Variants in SUMF1 observed in about 807,000 individuals in gnomAD.
The protein encoded by SUMF1 is formylglycine-generating enzyme.
A neutral mutation model predicts 47.6 loss-of-function variants in SUMF1; 48 were observed. The observed-to-expected ratio is 1.01, with a 90% CI of 0.80 to 1.28. The LOEUF is 1.28. Ranked by LOEUF, SUMF1 falls within the 50% of genes most tolerant of loss-of-function variation. SUMF1 has a pLI of 0.00. For missense variants in SUMF1, 571 were observed against 485.4 expected, an observed-to-expected ratio of 1.18 and a Z score of -1.66; for synonymous variants, 230 against 192.1, an observed-to-expected ratio of 1.20 and a Z score of -1.63.
At chr3:4,136,149 AAAG>A (rs1693923454) in intron 8 of SUMF1, among the ~76,000 whole-genome samples, 1 of 152,158 alleles carries the variant, frequency 6.6e-6, no homozygotes, top group African/African-American at 2.4e-5. Flanking sequence ...CGGAACCAAA[AAAG>A]AGCCTGCATT....
At chr3:4,456,286 C>T (rs1703159518) in intron 1 of SUMF1, among the ~76,000 whole-genome samples, 1 of 152,016 alleles carries the variant, frequency 6.6e-6, no homozygotes, top group South Asian at 2.1e-4. Context: ...GAAACCTTTG[C>T]CTGTTAGATT....
At chr3:4,350,307 C>T (rs891622608) in intron 8 of SUMF1, among the ~76,000 whole-genome samples, 1 of 150,904 alleles carries the variant, frequency 6.6e-6, no homozygotes, top group Non-Finnish European at 1.5e-5. Context: ...CAGGCTTGAG[C>T]CACCACTTTC....
chr3:4,262,843 C>T (rs1697114999), intron 8 of SUMF1, among the ~76,000 whole-genome samples: 1 of 152,074 alleles, frequency 6.6e-6, no homozygotes. Flanking sequence ...CCACATGGTC[C>T]AAGAGTAGTT....
At chr3:4,040,717 G>C (rs1427883947) in intron 9 of SUMF1, among the ~76,000 whole-genome samples, 1 of 152,208 alleles carries the variant, frequency 6.6e-6, no homozygotes, top group Non-Finnish European at 1.5e-5. Flanking sequence ...TTAGTAGACA[G>C]TGAGCTTAAT....
chr3:4,197,471 G>C (rs373159489), intron 8 of SUMF1, among the ~76,000 whole-genome samples: 1 of 152,066 alleles, frequency 6.6e-6, no homozygotes, highest in Non-Finnish European at 1.5e-5. Flanking sequence ...AGAGATGAGA[G>C]GGCATGACAG....
intron 8 of SUMF1, among the ~76,000 whole-genome samples, chr3:4,229,645 T>C (rs936307090): frequency 6.6e-6 from 1 of 152,100 alleles, no homozygotes; most frequent in Non-Finnish European, 1.5e-5. Flanking sequence ...TCAAGTATGA[T>C]CTGCTCCAAG....
chr3:4,435,830 A>T (rs1702379152), intron 3 of SUMF1, among the ~76,000 whole-genome samples: 1 of 152,202 alleles, frequency 6.6e-6, no homozygotes, highest in South Asian at 2.1e-4. Context: ...AAACTAAGAG[A>T]ATTCATTACC....
chr3:4,166,205 C>T (rs1009164140), intron 8 of SUMF1, among the ~76,000 whole-genome samples: 1 of 152,254 alleles, frequency 6.6e-6, no homozygotes, highest in African/African-American at 2.4e-5. Flanking sequence ...GAGTCCTAAG[C>T]ATTTTCCCCT....
At chr3:4,442,759 G>C (rs1049006256) in intron 3 of SUMF1, among the ~76,000 whole-genome samples, 1 of 151,904 alleles carries the variant, frequency 6.6e-6, no homozygotes, top group Non-Finnish European at 1.5e-5. Context: ...AACTAAGAGG[G>C]AGTTCAGTGA....
intron 9 of SUMF1, among the ~76,000 whole-genome samples, chr3:4,065,268 A>G (rs1436364454): frequency 3.3e-5 from 5 of 152,006 alleles, no homozygotes; most frequent in African/African-American, 9.7e-5. Flanking sequence ...TTACCTCTCC[A>G]TCTGCTCATC....
intron 8 of SUMF1, among the ~76,000 whole-genome samples, chr3:4,128,919 G>A (rs986059734): frequency 2.0e-5 from 3 of 152,196 alleles, no homozygotes; most frequent in Admixed American, 2.0e-4. Context: ...TGCTTGGTTA[G>A]CTGAAATATG....
At chr3:4,156,151 A>C (rs963694314) in intron 8 of SUMF1, among the ~76,000 whole-genome samples, 3 of 151,578 alleles carry the variant, frequency 2.0e-5, no homozygotes, top group Admixed American at 2.0e-4. Context: ...CATCTGACTT[A>C]AGGGTTCCTG....
intron 8 of SUMF1, chr3:4,316,263 G>A (rs761589295): frequency 7.3e-6 from 6 of 821,290 alleles, no homozygotes; most frequent in African/African-American, 5.1e-5. Flanking sequence ...TTTCTTATTC[G>A]AGTTCAAAAT....
At chr3:4,134,632 T>C (rs181456414) in intron 8 of SUMF1, among the ~76,000 whole-genome samples, 51 of 152,016 alleles carry the variant, frequency 3.4e-4, no homozygotes, top group Non-Finnish European at 5.3e-4. Flanking sequence ...AGAGCAGAAC[T>C]GAAGGAAATA....
Position 4,284,477 on chromosome 3 carries a change from G to T in SUMF1, c.1014+91853C>A, listed in dbSNP as rs1365837556. Among the ~76,000 whole-genome samples the T allele has an allele frequency of 2.7e-5, 4 of 149,650 alleles. No individual in the cohort carries two copies. The East Asian group carries it at 5.8e-4, about 22-fold the overall frequency. ...GGAGGAGGAGGAGGAGGAGGAGAAG[G>T]AGGAGGAGGAGGAGAGAAAGTACAA... On this transcript the variant is annotated intron_variant and NMD_transcript_variant, in intron 8 of 12. Transcript: ENST00000448413.
chr3:4,190,475 T>A lies in SUMF1; in HGVS notation c.1015-121730A>T, dbSNP rs375068334. On this transcript the variant is annotated intron_variant and NMD_transcript_variant, in intron 8 of 12. Coordinates refer to the SUMF1 transcript ENST00000448413. ...GGCATCTCAGTCTTATGAAGGCCAA[T>A]AAGAAGTATCTTTGGCAAGACTGAG... Among the ~76,000 whole-genome samples, 53 of 143,524 alleles carry A rather than the reference T, an allele frequency of 3.7e-4. 1 individual carries two copies. The highest frequency in any genetic ancestry group is 1.5e-3 in the African/African-American group (49 of 33,350). The allele number at this position is 143,524 out of a possible 152,430, so 94.2% of individuals were successfully genotyped here.
At chr3:4,396,801 A>C (rs534557824) in intron 7 of SUMF1, among the ~76,000 whole-genome samples, 1 of 152,320 alleles carries the variant, frequency 6.6e-6, no homozygotes, top group Admixed American at 6.5e-5. Flanking sequence ...AGTAGAAAAA[A>C]GAGTGAGGCC....
chr3:4,363,397 A>C (rs1233058366), intron 8 of SUMF1, among the ~76,000 whole-genome samples: 1 of 151,846 alleles, frequency 6.6e-6, no homozygotes, highest in Non-Finnish European at 1.5e-5. Context: ...CTTTTATTTC[A>C]TTGAGCAGTG....
At chr3:4,129,127 C>G (rs1425465110) in intron 8 of SUMF1, among the ~76,000 whole-genome samples, 1 of 152,134 alleles carries the variant, frequency 6.6e-6, no homozygotes, top group Non-Finnish European at 1.5e-5. Context: ...GTGAGGGCAG[C>G]ACTTGCATCT....
Sources: gnomAD v4.1 joint callset for allele counts (sites outside exome capture counted in the v4.1 genomes callset) on GRCh38, gnomAD v4.1.1 for gene constraint, MANE v1.5 for transcripts, NCBI Gene and HGNC (gene_info 2026-07-23, HGNC 2026-07-21) for gene names.